FBXO34: variants seen among roughly 807,000 people sequenced by gnomAD.
The protein encoded by FBXO34 is F-box protein 34, also known as F-box only protein 34.
In FBXO34, 12 loss-of-function variants were observed where a neutral mutation model predicts 24.5. The observed-to-expected ratio is 0.49, with a 90% CI of 0.31 to 0.79. FBXO34 has a LOEUF of 0.79. Ranked by LOEUF, FBXO34 falls within the 30% of genes least tolerant of loss-of-function variation. The probability of loss-of-function intolerance (pLI) is 0.04; values close to 1 mark genes in which losing one functional copy is unlikely to be tolerated. For missense variants in FBXO34, 823 were observed against 857.7 expected, an observed-to-expected ratio of 0.96 and a Z score of 0.51; for synonymous variants, 320 against 311.9, an observed-to-expected ratio of 1.03 and a Z score of -0.27.
rs369541487 is a variant in FBXO34, at chr14:55,330,959, GTGCT to G, written c.-10-19419_-10-19416del. The stretch of plus-strand genomic sequence containing the variant: ...TTCTGTATCCCCAGTCTCTGAAAGA[GTGCT>G]TGGTACATAGCAGATGCTCAGTATA... On this transcript the variant is annotated intron_variant, in intron 1 of 1. Transcript: ENST00000313833. Among the ~76,000 whole-genome samples the G allele has an allele frequency of 3.2e-4, 49 of 152,310 alleles. 1 individual carries two copies. Among genetic ancestry groups the G allele is most frequent in the African/African-American group, 1.2e-3 (49 of 41,562 alleles).
At position 55,298,818 on chromosome 14, in the gene FBXO34, C is replaced by CTT. The variant is rs769429069; in HGVS notation, c.-11+27281_-11+27282insTT. 2,709 of 1,611,804 alleles carry CTT rather than the reference C, an allele frequency of 1.7e-3. 3 individuals carry two copies. Among genetic ancestry groups the CTT allele is most frequent in the Non-Finnish European group, 2.1e-3 (2,530 of 1,178,146 alleles). On this transcript the variant is annotated intron_variant, in intron 1 of 1. Transcript: ENST00000313833. ...GCCCGCGGCCCTCCAGGCACTGAAGCGTAAGAAGAGGTATGAGAAGCAGCT... is the reference window on the plus strand; with the variant it reads ...GCCCGCGGCCCTCCAGGCACTGAAGCTTGTAAGAAGAGGTATGAGAAGCAGCT...
At chr14:55,381,385 TA>T in the FBXO34 span, among the ~76,000 whole-genome samples, 2 of 152,202 alleles carry the variant, frequency 1.3e-5, no homozygotes, top group Admixed American at 6.5e-5. Context: ...ATTACAAAGT[TA>T]TACACTATAA....
the FBXO34 span, among the ~76,000 whole-genome samples, chr14:55,394,433 A>G: frequency 1.3e-5 from 2 of 152,162 alleles, no homozygotes; most frequent in African/African-American, 4.8e-5. Flanking sequence ...TTCTTTTTTA[A>G]AGTTATTCCA....
chr14:55,363,857 G>A (rs1884626261), downstream of FBXO34, among the ~76,000 whole-genome samples: 1 of 151,748 alleles, frequency 6.6e-6, no homozygotes, highest in Non-Finnish European at 1.5e-5. Context: ...GGACACTCCT[G>A]CTTAATGCCT....
the FBXO34 span, among the ~76,000 whole-genome samples, chr14:55,428,221 C>T: frequency 6.8e-6 from 1 of 147,272 alleles, no homozygotes; most frequent in Non-Finnish European, 1.5e-5. Context: ...GCTCCACCTC[C>T]TGGGTTCTGG....
chr14:55,294,193 A>G (rs1190129818), intron 1 of FBXO34, among the ~76,000 whole-genome samples: 2 of 152,014 alleles, frequency 1.3e-5, no homozygotes, highest in Non-Finnish European at 2.9e-5. Context: ...TGTAGAATTT[A>G]CTTATTATGA....
At chr14:55,355,883 G>T (rs1489813577), downstream of FBXO34, among the ~76,000 whole-genome samples, 1 of 152,224 alleles carries the variant, frequency 6.6e-6, no homozygotes, top group Non-Finnish European at 1.5e-5. Context: ...TTTAGTATGA[G>T]AAACCTGACA....
At chr14:55,298,916 C>T (rs1882240319) in intron 1 of FBXO34, 7 of 1,576,374 alleles carry the variant, frequency 4.4e-6, no homozygotes, top group South Asian at 4.4e-5. Flanking sequence ...ACACCAATAC[C>T]GAGGTGCTCA....
intron 1 of FBXO34, chr14:55,271,942 C>T (rs1566534805): frequency 6.6e-6 from 1 of 152,304 alleles, no homozygotes; most frequent in Non-Finnish European, 1.5e-5. Context: ...CCTGTCGCGC[C>T]CTCCCGGGCT....
the FBXO34 span, chr14:55,380,702 A>T: frequency 6.4e-7 from 1 of 1,555,712 alleles, no homozygotes; most frequent in Non-Finnish European, 8.8e-7. Flanking sequence ...TGCAGTAAGA[A>T]AACAACCACC....
At chr14:55,294,672 T>A (rs1207370664) in intron 1 of FBXO34, among the ~76,000 whole-genome samples, 1 of 152,252 alleles carries the variant, frequency 6.6e-6, no homozygotes, top group Non-Finnish European at 1.5e-5. Flanking sequence ...AAAGTAATTT[T>A]AAAATTTTGC....
At chr14:55,281,222 C>G (rs986572698) in intron 1 of FBXO34, among the ~76,000 whole-genome samples, 3 of 142,388 alleles carry the variant, frequency 2.1e-5, no homozygotes, top group African/African-American at 8.1e-5. Context: ...CCACTGGACT[C>G]CAGCCTGGAT....
intron 1 of FBXO34, among the ~76,000 whole-genome samples, chr14:55,281,685 A>G (rs1173357105): frequency 6.6e-6 from 1 of 152,162 alleles, no homozygotes; most frequent in Non-Finnish European, 1.5e-5. Flanking sequence ...TGTTGGACTC[A>G]CCAATCCCTC....
chr14:55,367,801 A>G (rs1459085055), exon 3 of FBXO34: 1 of 152,164 alleles, frequency 6.6e-6, no homozygotes, highest in East Asian at 1.9e-4. Flanking sequence ...TTCATGGAAA[A>G]TTCATAGAGC....
intron 1 of FBXO34, among the ~76,000 whole-genome samples, chr14:55,297,486 A>C (rs1394420691): frequency 6.6e-6 from 1 of 152,226 alleles, no homozygotes; most frequent in African/African-American, 2.4e-5. Flanking sequence ...TTTAGTTTAA[A>C]ATACATGTTA....
intron 1 of FBXO34, among the ~76,000 whole-genome samples, chr14:55,330,268 A>T (rs528109529): frequency 1.3e-5 from 2 of 151,890 alleles, no homozygotes; most frequent in African/African-American, 2.4e-5. Flanking sequence ...ATTTGTTTCA[A>T]ATCTGTTTTA....
chr14:55,306,001 A>G (rs1882531194), intron 1 of FBXO34, among the ~76,000 whole-genome samples: 1 of 152,254 alleles, frequency 6.6e-6, no homozygotes, highest in Non-Finnish European at 1.5e-5. Flanking sequence ...AAAATAGTTC[A>G]ATGTTTGATC....
chr14:55,413,889 G>T, the FBXO34 span: 1 of 449,342 alleles, frequency 2.2e-6, no homozygotes, highest in Non-Finnish European at 4.4e-6. Flanking sequence ...CTTTGCTGTG[G>T]TAACATTTGC....
At chr14:55,401,742 C>T in the FBXO34 span, among the ~76,000 whole-genome samples, 4 of 152,098 alleles carry the variant, frequency 2.6e-5, no homozygotes, top group Admixed American at 6.5e-5. Flanking sequence ...GAAGGGTGCT[C>T]GCACACAGCC....
Sources: allele counts gnomAD v4.1 joint callset (sites outside exome capture counted in the v4.1 genomes callset), GRCh38; gene constraint gnomAD v4.1.1; transcripts MANE v1.5; gene names NCBI Gene and HGNC (gene_info 2026-07-23, HGNC 2026-07-21).